The following GATA4 variants were observed in gnomAD, a reference collection of about 807,000 sequenced individuals.
The protein encoded by GATA4 is transcription factor GATA-4.
In GATA4, 7 loss-of-function variants were observed where a neutral mutation model predicts 37.9. That is an observed-to-expected ratio of 0.18 (90% CI 0.11 to 0.35). The LOEUF is 0.35. Among genes scored for constraint, GATA4 ranks in the 10% least tolerant of loss-of-function variants. The probability of loss-of-function intolerance (pLI) is 1.00; values close to 1 mark genes in which losing one functional copy is unlikely to be tolerated. For missense variants in GATA4, 647 were observed against 653.0 expected, an observed-to-expected ratio of 0.99 and a Z score of 0.10; for synonymous variants, 372 against 292.6, an observed-to-expected ratio of 1.27 and a Z score of -2.77.
intron 1 of GATA4, among the ~76,000 whole-genome samples, chr8:11,698,754 G>C (rs935219560): frequency 6.6e-6 from 1 of 152,092 alleles, no homozygotes; most frequent in Non-Finnish European, 1.5e-5. Context: ...CCCAAATCCT[G>C]GCTGTGCACA....
rs545059230 is a variant in GATA4, at chr8:11,695,413, A to T, written c.-729+2753A>T. 3.9e-4 allele frequency among the ~76,000 whole-genome samples: 59 copies of T among 152,280 alleles called. No individual in the cohort carries two copies. In the South Asian group the frequency reaches 4.4e-3, roughly 11 times the overall value. On this transcript the variant is annotated intron_variant, in intron 1 of 2. Coordinates refer to the GATA4 transcript ENST00000526974. The stretch of plus-strand genomic sequence containing the variant: ...AAGAGTGAAACTCCATCTCAAAAAA[A>T]AAATAAATAAAATAAATAAGAGCCA...
At chr8:11,682,680 A>C (rs1443389487) in intron 1 of GATA4, among the ~76,000 whole-genome samples, 1 of 152,260 alleles carries the variant, frequency 6.6e-6, no homozygotes, top group African/African-American at 2.4e-5. Context: ...TGAGAAATTC[A>C]GAAGGAAGAT....
At chr8:11,754,286 G>A (rs1179260748) in intron 4 of GATA4, among the ~76,000 whole-genome samples, 1 of 152,332 alleles carries the variant, frequency 6.6e-6, no homozygotes, top group Admixed American at 6.5e-5. Context: ...GCACGATCAC[G>A]GCTTGCTGGA....
At chr8:11,687,018 C>T (rs1262831196) in intron 1 of GATA4, among the ~76,000 whole-genome samples, 1 of 151,598 alleles carries the variant, frequency 6.6e-6, no homozygotes. Context: ...AAAAAATCCT[C>T]AACCACAGTT....
At chr8:11,754,357 C>T (rs900520337) in intron 4 of GATA4, among the ~76,000 whole-genome samples, 2 of 152,162 alleles carry the variant, frequency 1.3e-5, no homozygotes, top group Admixed American at 1.3e-4. Flanking sequence ...GCTGGGACTA[C>T]AGGCATGCAG....
intron 1 of GATA4, among the ~76,000 whole-genome samples, chr8:11,687,229 T>C (rs1799166116): frequency 6.6e-6 from 1 of 152,082 alleles, no homozygotes. Context: ...GGTGGGTCAG[T>C]ATGTTGTTGA....
In GATA4 at chr8:11,708,986, C is replaced by G. The variant is rs1283486837; in HGVS notation, c.616+58C>G. 6.7e-7 allele frequency: 1 copy of G among 1,481,866 alleles called. No homozygotes were observed. The highest frequency in any genetic ancestry group is 1.4e-5 in the African/African-American group (1 of 69,774). 91.8% of individuals were successfully genotyped at this position (1,481,866 alleles called of 1,614,324 possible). ...GGGCCGGGGCAGGGGCCGTCTTGAG[C>G]CCTGTCGAGGGCCTCTTGTTTTTCC... On this transcript the variant is annotated intron_variant, in intron 2 of 6. Coordinates refer to ENST00000532059, the MANE Select transcript of GATA4 (RefSeq NM_001308093.3). This position sits in a 1 kb window ranked among gnomAD's most constrained non-coding sequence, Gnocchi z 6.7.
chr8:11,695,518 C>A (rs1324845446), intron 1 of GATA4, among the ~76,000 whole-genome samples: 1 of 152,208 alleles, frequency 6.6e-6, no homozygotes, highest in Non-Finnish European at 1.5e-5. Flanking sequence ...TTAGTCCATT[C>A]AGAAATACAG....
upstream of GATA4, among the ~76,000 whole-genome samples, chr8:11,688,519 C>T (rs1195167277): frequency 2.6e-5 from 3 of 114,272 alleles, no homozygotes; most frequent in East Asian, 2.0e-4. Context: ...TGCGCGTGCG[C>T]GCATGCACAC....
intron 1 of GATA4, among the ~76,000 whole-genome samples, chr8:11,693,562 CAGAGAGAG>C (rs139631153): frequency 0.08 from 5,740 of 71,808 alleles, 196 homozygotes; most frequent in Non-Finnish European, 0.1. Flanking sequence ...CACACACACA[CAGAGAGAG>C]AGAGAGAGAG....
intron 2 of GATA4, among the ~76,000 whole-genome samples, chr8:11,730,237 G>C (rs1357088085): frequency 6.6e-6 from 1 of 152,180 alleles, no homozygotes; most frequent in Admixed American, 6.5e-5. Context: ...TTGTGGGCTG[G>C]AGTAAGGATC....
At chr8:11,692,354 C>T (rs190155697), upstream of GATA4, among the ~76,000 whole-genome samples, 2 of 152,330 alleles carry the variant, frequency 1.3e-5, no homozygotes, top group Admixed American at 6.5e-5. Flanking sequence ...TAGAAACGTA[C>T]AAAAAATTTC....
chr8:11,690,854 G>A (rs1799288823), upstream of GATA4, among the ~76,000 whole-genome samples: 2 of 152,212 alleles, frequency 1.3e-5, no homozygotes, highest in Non-Finnish European at 1.5e-5. Context: ...CTGGGTGAAA[G>A]GGAAACACCC....
chr8:11,740,236 C>T (rs1454240678), intron 2 of GATA4, among the ~76,000 whole-genome samples: 2 of 152,142 alleles, frequency 1.3e-5, no homozygotes, highest in Non-Finnish European at 2.9e-5. Context: ...ACCTGTCAGC[C>T]GGGACACTAG....
intron 2 of GATA4, among the ~76,000 whole-genome samples, chr8:11,747,244 A>C (rs1802077301): frequency 6.6e-6 from 1 of 152,254 alleles, no homozygotes; most frequent in South Asian, 2.1e-4. Flanking sequence ...ACTTCTGGAG[A>C]TGGTGAGCCA....
intron 2 of GATA4, among the ~76,000 whole-genome samples, chr8:11,719,003 C>G (rs1221948894): frequency 6.6e-6 from 1 of 152,178 alleles, no homozygotes; most frequent in African/African-American, 2.4e-5. Context: ...GGTTGCTTAT[C>G]TAGAGGTTTT....
At position 11,687,215 on chromosome 8, in the gene GATA4, G is replaced by A. The variant is rs116696254; in HGVS notation, c.-274+10152G>A. ...ATTCTCTGCTAGCTAGGCATTCTGG[G>A]ATGGGTGGGTCAGTATGTTGTTGAC... On this transcript the variant is annotated intron_variant, in intron 1 of 6. Transcript: ENST00000528712. 1.6e-3 allele frequency among the ~76,000 whole-genome samples: 246 copies of A among 152,256 alleles called. 2 individuals carry two copies. Among genetic ancestry groups the A allele is most frequent in the African/African-American group, 5.7e-3 (236 of 41,554 alleles).
chr8:11,705,281 G>A (rs565604678), intron 1 of GATA4, among the ~76,000 whole-genome samples: 1 of 152,320 alleles, frequency 6.6e-6, no homozygotes, highest in South Asian at 2.1e-4. Context: ...AAGAAAGCCT[G>A]GGGTGTGGAG....
At chr8:11,727,789 C>G (rs868410794) in intron 2 of GATA4, among the ~76,000 whole-genome samples, 1 of 150,878 alleles carries the variant, frequency 6.6e-6, no homozygotes, top group Non-Finnish European at 1.5e-5. Context: ...TGCGGTGAGC[C>G]GTGATCTAGC....
Sources: gnomAD v4.1 joint callset for allele counts (sites outside exome capture counted in the v4.1 genomes callset) on GRCh38, gnomAD v4.1.1 for gene constraint, Gnocchi (gnomAD v3.1) non-coding constraint, MANE v1.5 for transcripts, NCBI Gene and HGNC (gene_info 2026-07-23, HGNC 2026-07-21) for gene names.